The following SEMA3A variants were observed in gnomAD, a reference collection of about 807,000 sequenced individuals.
The protein encoded by SEMA3A is semaphorin 3A.
Under a neutral mutation model 97.9 loss-of-function variants are expected in SEMA3A, and 29 were observed. The ratio of observed to expected loss-of-function variants is 0.30; its 90% confidence interval spans 0.22 to 0.40. The LOEUF is 0.40. Ranked by LOEUF, SEMA3A falls within the 10% of genes least tolerant of loss-of-function variation. The pLI is 1.00. For synonymous variants in SEMA3A, 321 were observed against 323.7 expected (o/e 0.99, Z 0.09); for missense variants, 763 against 951.3 (o/e 0.80, Z 2.60).
chr7:83,994,628 C>CGATCA (rs1790126915), intron 12 of SEMA3A, among the ~76,000 whole-genome samples: 2 of 141,124 alleles, frequency 1.4e-5, no homozygotes, highest in Non-Finnish European at 3.0e-5. Flanking sequence ...TAGGCTGCTC[C>CGATCA]GGGATCAGGG....
chr7:84,427,901 T>C (rs1020959164), intron 1 of SEMA3A, among the ~76,000 whole-genome samples: 4 of 152,040 alleles, frequency 2.6e-5, no homozygotes, highest in Admixed American at 6.6e-5. Flanking sequence ...TCCCATTGTA[T>C]AATAAGTCTA....
chr7:84,240,940 C>T (rs371737638), intron 3 of SEMA3A, among the ~76,000 whole-genome samples: 24 of 152,096 alleles, frequency 1.6e-4, no homozygotes, highest in Non-Finnish European at 4.4e-5. Flanking sequence ...TGAATTCATC[C>T]TTTTTTATGG....
At chr7:84,408,486 G>T (rs200694995) in intron 1 of SEMA3A, among the ~76,000 whole-genome samples, 8 of 151,890 alleles carry the variant, frequency 5.3e-5, no homozygotes, top group Admixed American at 2.0e-4. Flanking sequence ...TCAGTGTGGC[G>T]ATTCCTCAGG....
Position 84,307,217 on chromosome 7 carries a change from G to A in SEMA3A, c.-93C>T, listed in dbSNP as rs537302329. On this transcript the variant is annotated 5_prime_UTR_variant, in exon 3 of 4. Transcript: ENST00000424555. Reference sequence around the variant, plus strand: ...GTTTAATTATCTTACCTTCTTTTAGGAAAAATTCTTAATTCCTGAGATACA... The same window carrying A: ...GTTTAATTATCTTACCTTCTTTTAGAAAAAATTCTTAATTCCTGAGATACA... 5 of 151,938 alleles carry A rather than the reference G, an allele frequency of 3.3e-5. 1 individual carries two copies. The highest frequency in any genetic ancestry group is 1.2e-4 in the African/African-American group (5 of 41,448). 9.4% of individuals were successfully genotyped at this position (151,938 alleles called of 1,614,324 possible).
chr7:84,313,405 T>TATATATATATAA (rs1454447733), intron 2 of SEMA3A, among the ~76,000 whole-genome samples: 5 of 107,120 alleles, frequency 4.7e-5, no homozygotes, highest in African/African-American at 1.4e-4. Context: ...TATATATATA[T>TATATATATATAA]AAACTATACG....
At chr7:83,985,052 AT>A (rs1032072653) in intron 13 of SEMA3A, among the ~76,000 whole-genome samples, 93 of 152,064 alleles carry the variant, frequency 6.1e-4, no homozygotes, top group African/African-American at 2.2e-3. Flanking sequence ...TAAATTATAA[AT>A]TTTTTTTATA....
intron 1 of SEMA3A, among the ~76,000 whole-genome samples, chr7:84,446,033 T>C (rs1170504669): frequency 6.6e-6 from 1 of 152,138 alleles, no homozygotes; most frequent in Non-Finnish European, 1.5e-5. Context: ...TTATTACTAA[T>C]TCTATAGAAA....
At chr7:84,387,359 AT>A (rs1275810676) in intron 1 of SEMA3A, among the ~76,000 whole-genome samples, 1 of 152,214 alleles carries the variant, frequency 6.6e-6, no homozygotes, top group Non-Finnish European at 1.5e-5. Flanking sequence ...TCCTAGAATT[AT>A]TTTAAATGCT....
intron 4 of SEMA3A, among the ~76,000 whole-genome samples, chr7:84,091,267 AAAAG>A (rs1364504988): frequency 3.6e-5 from 5 of 138,166 alleles, no homozygotes; most frequent in East Asian, 4.9e-4. Context: ...AGGAAAGAGA[AAAAG>A]AAAGAAAAGA....
rs1243612911 is a variant in SEMA3A at position 83,963,201 on chromosome 7, G to C, written c.1860+4C>G. The C allele has an allele frequency of 1.2e-6, 2 of 1,612,496 alleles. No homozygotes were observed. Among genetic ancestry groups the C allele is most frequent in the Non-Finnish European group, 1.7e-6 (2 of 1,179,868 alleles). Reference sequence around the variant, plus strand: ...AAATGATCCAGTCAGTTTCATTCCTGTACCTCTTCTTTTCGCTCTTCATTT... The same window carrying C: ...AAATGATCCAGTCAGTTTCATTCCTCTACCTCTTCTTTTCGCTCTTCATTT... On this transcript the variant is annotated splice_donor_region_variant and intron_variant, in intron 16 of 16. Coordinates refer to ENST00000265362, the MANE Select transcript of SEMA3A (RefSeq NM_006080.3).
chr7:83,962,319 T>C (rs759280409), intron 16 of SEMA3A, among the ~76,000 whole-genome samples: 1 of 152,082 alleles, frequency 6.6e-6, no homozygotes, highest in African/African-American at 2.4e-5. Flanking sequence ...ATTTAGTTGG[T>C]CTTGAATGGG....
At chr7:83,969,352 T>C (rs1788833545) in intron 15 of SEMA3A, among the ~76,000 whole-genome samples, 1 of 123,676 alleles carries the variant, frequency 8.1e-6, no homozygotes, top group African/African-American at 3.5e-5. Flanking sequence ...CTCTTCTATA[T>C]TGCCAAAAAA....
At chr7:84,215,966 G>T (rs1798744736) in intron 3 of SEMA3A, among the ~76,000 whole-genome samples, 1 of 150,726 alleles carries the variant, frequency 6.6e-6, no homozygotes, top group African/African-American at 2.4e-5. Flanking sequence ...AATGAGAAAT[G>T]AACTGTTAAA....
intron 4 of SEMA3A, among the ~76,000 whole-genome samples, chr7:84,087,907 C>T (rs1258388271): frequency 6.6e-6 from 1 of 152,106 alleles, no homozygotes; most frequent in Non-Finnish European, 1.5e-5. Context: ...GTTTTCTTCT[C>T]ATTTGCTGAA....
chr7:84,268,956 C>T (rs979310084), intron 3 of SEMA3A, among the ~76,000 whole-genome samples: 1 of 152,124 alleles, frequency 6.6e-6, no homozygotes, highest in Non-Finnish European at 1.5e-5. Context: ...GACTCCTCCT[C>T]CTGCTAGCAA....
intron 4 of SEMA3A, among the ~76,000 whole-genome samples, chr7:84,109,947 T>G (rs1795227947): frequency 6.6e-6 from 1 of 152,190 alleles, no homozygotes. Flanking sequence ...AAACATATTT[T>G]TTTCTTTTCC....
chr7:83,962,341 G>T (rs906277355), intron 16 of SEMA3A, among the ~76,000 whole-genome samples: 1 of 151,898 alleles, frequency 6.6e-6, no homozygotes, highest in African/African-American at 2.4e-5. Context: ...ATATATATGA[G>T]ACCATATTTT....
At chr7:84,156,392 T>C (rs1359094696) in intron 1 of SEMA3A, among the ~76,000 whole-genome samples, 2 of 152,136 alleles carry the variant, frequency 1.3e-5, no homozygotes, top group Non-Finnish European at 2.9e-5. Flanking sequence ...CCTCTGAAAG[T>C]GTGACATTTT....
intron 2 of SEMA3A, among the ~76,000 whole-genome samples, chr7:84,329,900 T>G (rs2115943787): frequency 6.6e-6 from 1 of 152,132 alleles, no homozygotes; most frequent in Admixed American, 6.6e-5. Context: ...ACTGCAAAAT[T>G]TTATGGTATT....
Sources: allele counts gnomAD v4.1 joint callset (sites outside exome capture counted in the v4.1 genomes callset), GRCh38; gene constraint gnomAD v4.1.1; transcripts MANE v1.5; gene names NCBI Gene and HGNC (gene_info 2026-07-23, HGNC 2026-07-21).